Variants in AKAP19 observed in about 807,000 individuals in gnomAD.
The protein encoded by AKAP19 is A-kinase anchoring protein 19.
the AKAP19 span, among the ~76,000 whole-genome samples, chr2:189,965,693 T>C: frequency 6.6e-6 from 1 of 151,690 alleles, no homozygotes; most frequent in Non-Finnish European, 1.5e-5. Context: ...ACTTCTACAC[T>C]GCTGGTGGGA....
the AKAP19 span, among the ~76,000 whole-genome samples, chr2:190,052,172 A>T: frequency 6.6e-6 from 1 of 152,096 alleles, no homozygotes; most frequent in African/African-American, 2.4e-5. Context: ...GGCCTCATTC[A>T]GAGCCCAAGA....
chr2:190,043,556 T>C, the AKAP19 span, among the ~76,000 whole-genome samples: 6 of 152,240 alleles, frequency 3.9e-5, no homozygotes, highest in African/African-American at 1.4e-4. Flanking sequence ...TTAGGTTCTT[T>C]TTTATCTTGG....
chr2:189,960,700 G>C, the AKAP19 span, among the ~76,000 whole-genome samples: 1 of 151,862 alleles, frequency 6.6e-6, no homozygotes, highest in Admixed American at 6.6e-5. Context: ...TTTTAAAGAT[G>C]TACACAGATG....
At chr2:189,965,721 C>A in the AKAP19 span, among the ~76,000 whole-genome samples, 1 of 152,026 alleles carries the variant, frequency 6.6e-6, no homozygotes, top group Non-Finnish European at 1.5e-5. Context: ...CTGGTACAAC[C>A]ACTATGGAAA....
At chr2:190,064,361 G>A in the AKAP19 span, among the ~76,000 whole-genome samples, 1 of 152,070 alleles carries the variant, frequency 6.6e-6, no homozygotes, top group Non-Finnish European at 1.5e-5. Context: ...TCTTTCAAAT[G>A]TTATGATCAT....
At chr2:190,148,839 G>A in the AKAP19 span, among the ~76,000 whole-genome samples, 4 of 152,032 alleles carry the variant, frequency 2.6e-5, no homozygotes, top group Admixed American at 2.0e-4. Flanking sequence ...TATTTCAGTG[G>A]TGCCAGTTGT....
the AKAP19 span, among the ~76,000 whole-genome samples, chr2:189,961,592 A>G: frequency 6.6e-6 from 1 of 152,128 alleles, no homozygotes; most frequent in Non-Finnish European, 1.5e-5. Context: ...CAGGTTCTTG[A>G]CATTTTAAGG....
the AKAP19 span, among the ~76,000 whole-genome samples, chr2:189,943,553 C>T: frequency 6.6e-6 from 1 of 152,222 alleles, no homozygotes; most frequent in Non-Finnish European, 1.5e-5. Context: ...CACACAGAGT[C>T]CCCAATGGGA....
chr2:189,927,704 T>A, the AKAP19 span, among the ~76,000 whole-genome samples: 1 of 152,222 alleles, frequency 6.6e-6, no homozygotes, highest in East Asian at 1.9e-4. Flanking sequence ...TCTCGTGTAA[T>A]CTTAATACAG....
the AKAP19 span, among the ~76,000 whole-genome samples, chr2:190,164,400 G>T: frequency 6.6e-6 from 1 of 152,070 alleles, no homozygotes; most frequent in Non-Finnish European, 1.5e-5. Context: ...GGCATGCGTG[G>T]TGGCACTGTG....
the AKAP19 span, among the ~76,000 whole-genome samples, chr2:190,040,397 C>T: frequency 5.9e-5 from 9 of 152,202 alleles, no homozygotes; most frequent in South Asian, 1.9e-3. Context: ...GTTTAAGTTC[C>T]TAATACATGC....
chr2:189,967,024 T>C, the AKAP19 span, among the ~76,000 whole-genome samples: 3 of 152,232 alleles, frequency 2.0e-5, no homozygotes, highest in Admixed American at 6.5e-5. Context: ...GAAGTACCGA[T>C]ACATGGCTTC....
At chr2:190,035,147 G>C in the AKAP19 span, among the ~76,000 whole-genome samples, 4 of 152,014 alleles carry the variant, frequency 2.6e-5, no homozygotes, top group African/African-American at 7.2e-5. Flanking sequence ...ATGTGTTCAA[G>C]ATTGTGTTCA....
the AKAP19 span, chr2:190,062,141 G>C: frequency 6.7e-7 from 1 of 1,494,464 alleles, no homozygotes; most frequent in South Asian, 1.2e-5. Context: ...TTGTTTAAAA[G>C]AGCCTGAAAA....
chr2:189,891,424 C>T, the AKAP19 span, among the ~76,000 whole-genome samples: 2 of 148,694 alleles, frequency 1.3e-5, no homozygotes, highest in African/African-American at 5.2e-5. Context: ...GGGGTTTCAC[C>T]GTGTTAGTCA....
chr2:190,013,854 A>G, the AKAP19 span, among the ~76,000 whole-genome samples: 1 of 151,820 alleles, frequency 6.6e-6, no homozygotes, highest in African/African-American at 2.4e-5. Flanking sequence ...AGATTTATCT[A>G]TTTTGTTTAT....
At chr2:190,083,294 G>A in the AKAP19 span, among the ~76,000 whole-genome samples, 13,659 of 150,492 alleles carry the variant, frequency 0.091, 630 homozygotes, top group Middle Eastern at 0.11. Context: ...TGGGAGGATC[G>A]ATGCCTGGGA....
chr2:190,083,820 T>A, the AKAP19 span, among the ~76,000 whole-genome samples: 1 of 152,186 alleles, frequency 6.6e-6, no homozygotes, highest in Non-Finnish European at 1.5e-5. Context: ...TTGGGCCTGA[T>A]AATTTAGAGG....
At chr2:189,985,600 T>C in the AKAP19 span, among the ~76,000 whole-genome samples, 5 of 152,126 alleles carry the variant, frequency 3.3e-5, no homozygotes, top group African/African-American at 4.8e-5. Context: ...AAGGGGAACC[T>C]TAGTCATATA....
Sources: gnomAD v4.1 joint callset for allele counts (sites outside exome capture counted in the v4.1 genomes callset) on GRCh38, gnomAD v4.1.1 for gene constraint, MANE v1.5 for transcripts, NCBI Gene and HGNC (gene_info 2026-07-23, HGNC 2026-07-21) for gene names.